Variants in GLRA1 observed in about 807,000 individuals in gnomAD.
GLRA1 encodes the protein glycine receptor subunit alpha-1.
A neutral mutation model predicts 48.3 loss-of-function variants in GLRA1; 37 were observed. That is an observed-to-expected ratio of 0.77 (90% CI 0.59 to 1.01). GLRA1 has a LOEUF of 1.01. GLRA1 is among the 50% of genes least tolerant of loss of function. GLRA1 has a pLI of 0.00. For missense variants in GLRA1, 427 were observed against 571.0 expected (o/e 0.75, Z 2.57); for synonymous variants, 196 against 210.7 (o/e 0.93, Z 0.60).
chr5:151,833,131 C>G (rs1239650986), intron 7 of GLRA1, among the ~76,000 whole-genome samples: 2 of 152,172 alleles, frequency 1.3e-5, no homozygotes, highest in Non-Finnish European at 2.9e-5. Context: ...GCCTGTCTCA[C>G]AAGAACTCCT....
chr5:151,916,854 AC>A (rs766174747), intron 1 of GLRA1, among the ~76,000 whole-genome samples: 7 of 152,098 alleles, frequency 4.6e-5, no homozygotes, highest in Non-Finnish European at 7.4e-5. Context: ...CTTTTGGTGC[AC>A]CAGGACTTCA....
At chr5:151,891,226 C>T (rs893039685) in intron 2 of GLRA1, among the ~76,000 whole-genome samples, 2 of 152,198 alleles carry the variant, frequency 1.3e-5, no homozygotes, top group Admixed American at 1.3e-4. Context: ...GTCCTTAAGA[C>T]TGCACCTGCA....
At chr5:151,860,057 T>A in intron 3 of GLRA1, 49 bp from the exon 4 acceptor site, 7 of 1,451,570 alleles carry the variant, frequency 4.8e-6, no homozygotes, top group Non-Finnish European at 6.8e-6. Flanking sequence ...CCCAAGGACA[T>A]CAACTTTTGG....
intron 1 of GLRA1, among the ~76,000 whole-genome samples, chr5:151,901,156 C>CTAGGT (rs1754357184): frequency 6.6e-6 from 1 of 152,142 alleles, no homozygotes; most frequent in Non-Finnish European, 1.5e-5. Context: ...ATGTCTTGGA[C>CTAGGT]CACTGGCCTA....
intron 3 of GLRA1, among the ~76,000 whole-genome samples, chr5:151,863,388 A>G (rs1753253085): frequency 6.6e-6 from 1 of 152,136 alleles, no homozygotes; most frequent in Admixed American, 6.5e-5. Flanking sequence ...ATGACACTGC[A>G]CTCCAGCCTG....
chr5:151,836,149 A>T (rs1373602394), intron 7 of GLRA1, among the ~76,000 whole-genome samples: 1 of 152,216 alleles, frequency 6.6e-6, no homozygotes, highest in African/African-American at 2.4e-5. Context: ...AATCACAAGT[A>T]TTCCTATACA....
rs535357811 is a variant in GLRA1 at position 151,880,657 on chromosome 5, C to T, written c.252+6064G>A. Among the ~76,000 whole-genome samples the T allele has an allele frequency of 1.3e-4, 20 of 152,348 alleles. No individual in the cohort carries two copies. In the South Asian group the frequency reaches 4.1e-3, roughly 32 times the overall value. ...GTTTATATACAGTTCTACACAAATT[C>T]CAGCAATATACAAGTCCCTTAATGT... On this transcript the variant is annotated intron_variant, in intron 3 of 8. Transcript: ENST00000274576.
At chr5:151,836,208 T>C (rs1763574705) in intron 7 of GLRA1, among the ~76,000 whole-genome samples, 1 of 152,184 alleles carries the variant, frequency 6.6e-6, no homozygotes, top group African/African-American at 2.4e-5. Context: ...CATTCACAAC[T>C]GCTGCAAAGA....
chr5:151,865,416 G>A (rs1753310022), intron 3 of GLRA1, among the ~76,000 whole-genome samples: 1 of 152,162 alleles, frequency 6.6e-6, no homozygotes, highest in Non-Finnish European at 1.5e-5. Context: ...GTGCATATGT[G>A]AAGGCCTAGA....
chr5:151,881,774 G>A (rs796782088), intron 3 of GLRA1, among the ~76,000 whole-genome samples: 6 of 152,270 alleles, frequency 3.9e-5, no homozygotes, highest in African/African-American at 1.4e-4. Context: ...CTGTTGCTTT[G>A]CTGGCTGCCT....
intron 4 of GLRA1, among the ~76,000 whole-genome samples, chr5:151,859,071 G>T (rs538198898): frequency 3.9e-5 from 6 of 152,252 alleles, no homozygotes; most frequent in Admixed American, 1.3e-4. Flanking sequence ...GCTTCATGGG[G>T]TTATTAGGAG....
intron 7 of GLRA1, among the ~76,000 whole-genome samples, chr5:151,832,101 C>G (rs539441608): frequency 2.2e-4 from 34 of 152,140 alleles, no homozygotes; most frequent in Non-Finnish European, 4.1e-4. Flanking sequence ...GGAATAGCGT[C>G]AAAATCAACA....
At chr5:151,896,636 C>A (rs1754233382) in intron 1 of GLRA1, among the ~76,000 whole-genome samples, 1 of 152,160 alleles carries the variant, frequency 6.6e-6, no homozygotes, top group South Asian at 2.1e-4. Flanking sequence ...TCTAGTCCAG[C>A]CTCTCCCATA....
chr5:151,889,380 T>C (rs1753999119), intron 2 of GLRA1, among the ~76,000 whole-genome samples: 1 of 152,224 alleles, frequency 6.6e-6, no homozygotes, highest in Non-Finnish European at 1.5e-5. Flanking sequence ...AGAGCTGGAA[T>C]GGCCTAGTCC....
chr5:151,874,092 C>G lies in GLRA1; in HGVS notation c.252+12629G>C, dbSNP rs1192894024. On this transcript the variant is annotated intron_variant, in intron 3 of 8. Transcript: ENST00000274576. Reference sequence around the variant, plus strand: ...TGGGGAAGGGACAGGGAGAGCCGATCTCAATTATGTGAAGGGTTGTCAGTT... The same window carrying G: ...TGGGGAAGGGACAGGGAGAGCCGATGTCAATTATGTGAAGGGTTGTCAGTT... Among the ~76,000 whole-genome samples, 19 of 152,108 alleles carry G rather than the reference C, an allele frequency of 1.2e-4. 1 individual carries two copies. Among genetic ancestry groups the G allele is most frequent in the Admixed American group, 1.2e-3 (19 of 15,272 alleles).
intron 1 of GLRA1, among the ~76,000 whole-genome samples, chr5:151,902,949 CAG>C (rs1754398832): frequency 6.6e-6 from 1 of 152,134 alleles, no homozygotes. Context: ...CATTGCTTTC[CAG>C]GGGCTCTCAA....
At chr5:151,910,690 T>C (rs775491769) in intron 1 of GLRA1, among the ~76,000 whole-genome samples, 14 of 152,170 alleles carry the variant, frequency 9.2e-5, no homozygotes, top group African/African-American at 2.9e-4. Flanking sequence ...CAAGAAACAG[T>C]CCTCTCCAAC....
At chr5:151,828,443 C>G (rs62377945) in intron 8 of GLRA1, among the ~76,000 whole-genome samples, 30,369 of 152,110 alleles carry the variant, frequency 0.2, 3,622 homozygotes, top group South Asian at 0.32. Flanking sequence ...AGAACCCACT[C>G]TGGCAGAGAT....
chr5:151,916,414 GAGCACAC>G (rs1383884337), intron 1 of GLRA1, among the ~76,000 whole-genome samples: 32 of 152,226 alleles, frequency 2.1e-4, no homozygotes, highest in Non-Finnish European at 2.8e-4. Flanking sequence ...TTGCAGAACT[GAGCACAC>G]AGCAATAAAC....
Sources: gnomAD v4.1 joint callset for allele counts (sites outside exome capture counted in the v4.1 genomes callset) on GRCh38, gnomAD v4.1.1 for gene constraint, MANE v1.5 for transcripts, NCBI Gene and HGNC (gene_info 2026-07-23, HGNC 2026-07-21) for gene names.